Variants in GABRB3 observed in about 807,000 individuals in gnomAD.
The protein encoded by GABRB3 is gamma-aminobutyric acid type A receptor subunit beta3, also known as gamma-aminobutyric acid receptor subunit beta-3.
In GABRB3, 14 loss-of-function variants were observed where a neutral mutation model predicts 52.1. The ratio of observed to expected loss-of-function variants is 0.27; its 90% CI spans 0.18 to 0.42. GABRB3 has a LOEUF of 0.42. Among genes scored for constraint, GABRB3 ranks in the 10% least tolerant of loss-of-function variants. The pLI is 1.00. For missense variants in GABRB3, 307 were observed against 609.1 expected (o/e 0.50, Z 5.22); for synonymous variants, 260 against 232.3 (o/e 1.12, Z -1.08).
chr15:26,621,508 T>C lies in GABRB3; in HGVS notation c.267A>G (p.Gln89=), dbSNP rs1892482774. The change falls in exon 4 of 9, where the codon CAA becomes CAG. Residue 89 remains glutamine, a synonymous_variant. Coordinates refer to ENST00000311550, the MANE Select transcript of GABRB3 (RefSeq NM_000814.6). The surrounding 1 kb of genome is among the most constrained non-coding windows in gnomAD (Gnocchi z 4.1). ...CGAGCCTTTTATCTCTCCAATATTGTTGAAAATACATGGTTAAGGTATAAT... is the reference window on the plus strand; with the variant it reads ...CGAGCCTTTTATCTCTCCAATATTGCTGAAAATACATGGTTAAGGTATAAT... The part of the protein sequence containing the change: ...NMDYTLTMYF[Q]QYWRDKRLAY... 1.2e-6 allele frequency: 2 copies of C among 1,613,660 alleles called. No homozygotes were observed. The highest frequency in any genetic ancestry group is 1.7e-6 in the Non-Finnish European group (2 of 1,179,580).
At chr15:26,768,530 G>A (rs151317809) in intron 3 of GABRB3, among the ~76,000 whole-genome samples, 4 of 151,884 alleles carry the variant, frequency 2.6e-5, no homozygotes, top group Admixed American at 1.3e-4. Flanking sequence ...TTTTTCCCAT[G>A]TGTTGATCTC....
chr15:26,625,218 G>C (rs1892645740), intron 3 of GABRB3, among the ~76,000 whole-genome samples: 2 of 152,104 alleles, frequency 1.3e-5, no homozygotes, highest in Admixed American at 1.3e-4. Context: ...GCTTGGCAGG[G>C]TGGGGCTTTG....
At chr15:26,605,766 T>C (rs1361488116) in intron 4 of GABRB3, among the ~76,000 whole-genome samples, 1 of 152,096 alleles carries the variant, frequency 6.6e-6, no homozygotes, top group Non-Finnish European at 1.5e-5. Flanking sequence ...GGATGGTAAG[T>C]GTAGTGGGGG....
chr15:26,609,448 T>C (rs1245986107), intron 4 of GABRB3, among the ~76,000 whole-genome samples: 1 of 152,152 alleles, frequency 6.6e-6, no homozygotes, highest in Non-Finnish European at 1.5e-5. Context: ...ATAATTCTTT[T>C]AAGAAAACAT....
At chr15:26,584,706 G>A (rs1890915684) in intron 4 of GABRB3, among the ~76,000 whole-genome samples, 1 of 152,184 alleles carries the variant, frequency 6.6e-6, no homozygotes, top group Non-Finnish European at 1.5e-5. Flanking sequence ...TCTGCCTGCA[G>A]CCTTCTCTTA....
rs1450204493 is a variant in GABRB3 at position 26,728,490 on chromosome 15, G to A, written c.240+43912C>T. Among the ~76,000 whole-genome samples the A allele has an allele frequency of 5.3e-5, 8 of 152,230 alleles. No homozygotes were observed. The East Asian group carries it at 7.7e-4, about 15-fold the overall frequency. ...ATCACTTCTGCTGAAATTCAAGCCCGAGGTCTCATCTAACTACAATAGATA... is the reference window on the plus strand; with the variant it reads ...ATCACTTCTGCTGAAATTCAAGCCCAAGGTCTCATCTAACTACAATAGATA... On this transcript the variant is annotated intron_variant, in intron 3 of 8. Transcript: ENST00000311550.
At chr15:26,605,117 T>C (rs1004497668) in intron 4 of GABRB3, among the ~76,000 whole-genome samples, 2 of 152,176 alleles carry the variant, frequency 1.3e-5, no homozygotes, top group African/African-American at 2.4e-5. Context: ...GAATAGACAT[T>C]TCTCAAAAGA....
chr15:26,599,496 C>T (rs985194567), intron 4 of GABRB3, among the ~76,000 whole-genome samples: 2 of 152,224 alleles, frequency 1.3e-5, no homozygotes, highest in African/African-American at 4.8e-5. Flanking sequence ...TGACCAGGAA[C>T]CATCACAGTA....
chr15:26,663,436 T>C (rs1887609940), intron 3 of GABRB3, among the ~76,000 whole-genome samples: 1 of 152,234 alleles, frequency 6.6e-6, no homozygotes, highest in African/African-American at 2.4e-5. Flanking sequence ...GACTGCTATG[T>C]CTAATCGCTA....
chr15:26,737,623 G>A (rs1182166921), intron 3 of GABRB3, among the ~76,000 whole-genome samples: 1 of 147,268 alleles, frequency 6.8e-6, no homozygotes, highest in Non-Finnish European at 1.5e-5. Flanking sequence ...TACAATGTGT[G>A]TGTGTGTGTG....
At chr15:26,726,615 G>C (rs550682560) in intron 3 of GABRB3, among the ~76,000 whole-genome samples, 2 of 152,084 alleles carry the variant, frequency 1.3e-5, no homozygotes, top group Non-Finnish European at 2.9e-5. Flanking sequence ...ATGTTTCCTC[G>C]TGATTCAATT....
intron 3 of GABRB3, among the ~76,000 whole-genome samples, chr15:26,652,873 T>C (rs1887241089): frequency 6.6e-6 from 1 of 152,226 alleles, no homozygotes; most frequent in Non-Finnish European, 1.5e-5. Flanking sequence ...AGGGAGAGTC[T>C]GACAGCCTAA....
At chr15:26,572,304 C>G (rs1057504456) in intron 6 of GABRB3, among the ~76,000 whole-genome samples, 1 of 152,164 alleles carries the variant, frequency 6.6e-6, no homozygotes, top group Non-Finnish European at 1.5e-5. Flanking sequence ...CTAGGGCACA[C>G]GCCTAAGTGA....
chr15:26,636,169 C>T (rs186702868), intron 3 of GABRB3, among the ~76,000 whole-genome samples: 113 of 152,262 alleles, frequency 7.4e-4, no homozygotes, highest in Admixed American at 4.6e-3. Context: ...AAGTGTTAAC[C>T]TTTAGATTGG....
At chr15:26,565,642 G>C (rs753208073) in intron 7 of GABRB3, among the ~76,000 whole-genome samples, 7 of 152,022 alleles carry the variant, frequency 4.6e-5, no homozygotes, top group Non-Finnish European at 1.0e-4. Flanking sequence ...ACTCACTTCC[G>C]GGGTATTAAC....
At chr15:26,674,856 G>C (rs577589131) in intron 3 of GABRB3, among the ~76,000 whole-genome samples, 1 of 152,280 alleles carries the variant, frequency 6.6e-6, no homozygotes, top group South Asian at 2.1e-4. Context: ...AGGCTTACAG[G>C]ATCAACAGGA....
At chr15:26,630,810 G>A (rs1029540434) in intron 3 of GABRB3, among the ~76,000 whole-genome samples, 1 of 152,168 alleles carries the variant, frequency 6.6e-6, no homozygotes, top group Non-Finnish European at 1.5e-5. Context: ...ACAAAACCCT[G>A]AAGTTCATGG....
intron 3 of GABRB3, among the ~76,000 whole-genome samples, chr15:26,656,078 C>T (rs528861930): frequency 1.3e-5 from 2 of 152,150 alleles, no homozygotes; most frequent in African/African-American, 4.8e-5. Flanking sequence ...GTTTTAACAG[C>T]CGTCAGATAC....
intron 6 of GABRB3, among the ~76,000 whole-genome samples, chr15:26,568,732 G>A (rs886172195): frequency 4.0e-4 from 58 of 146,048 alleles, no homozygotes; most frequent in Non-Finnish European, 2.7e-4. Context: ...GGCCAGACTG[G>A]TCTTGAACTC....
Sources: gnomAD v4.1 joint callset for allele counts (sites outside exome capture counted in the v4.1 genomes callset) on GRCh38, gnomAD v4.1.1 for gene constraint, Gnocchi (gnomAD v3.1) non-coding constraint, MANE v1.5 for transcripts, NCBI Gene and HGNC (gene_info 2026-07-23, HGNC 2026-07-21) for gene names.